Variants in PCDHGB1 observed in about 807,000 individuals in gnomAD.
The protein encoded by PCDHGB1 is protocadherin gamma-B1.
Under a neutral mutation model 56.6 loss-of-function variants are expected in PCDHGB1, and 34 were observed. The observed-to-expected ratio is 0.60, with a 90% CI of 0.46 to 0.80. PCDHGB1 has a LOEUF of 0.80. PCDHGB1 is among the 30% of genes least tolerant of loss of function. PCDHGB1 has a pLI of 0.00. For synonymous variants in PCDHGB1, 561 were observed against 505.9 expected, an observed-to-expected ratio of 1.11 and a Z score of -1.46; for missense variants, 1,278 against 1,204.6, an observed-to-expected ratio of 1.06 and a Z score of -0.90.
At chr5:141,447,798 A>G (rs2098551922) in intron 1 of PCDHGB1, among the ~76,000 whole-genome samples, 2 of 152,230 alleles carry the variant, frequency 1.3e-5, no homozygotes, top group Admixed American at 1.3e-4. Context: ...TTAAGAAAAT[A>G]AAATTGGCTG....
chr5:141,356,897 C>T (rs1760380155), intron 1 of PCDHGB1: 1 of 1,614,116 alleles, frequency 6.2e-7, no homozygotes, highest in Non-Finnish European at 8.5e-7. Context: ...CTGTACCCCA[C>T]CTTCCCTACT....
chr5:141,360,208 T>C (rs780604415), intron 1 of PCDHGB1: 9 of 1,613,072 alleles, frequency 5.6e-6, no homozygotes, highest in Non-Finnish European at 7.6e-6. Flanking sequence ...GTTGTCTTTG[T>C]TCCCCGGGGC....
intron 1 of PCDHGB1, 79 bp from the exon 2 acceptor site, chr5:141,494,728 C>T (rs2099756337): frequency 1.2e-6 from 2 of 1,609,984 alleles, no homozygotes; most frequent in Admixed American, 3.3e-5. Context: ...TCCTTCTCTC[C>T]CGGCCCATCC....
At chr5:141,481,533 T>TG (rs1246139713) in intron 1 of PCDHGB1, among the ~76,000 whole-genome samples, 2 of 152,200 alleles carry the variant, frequency 1.3e-5, no homozygotes, top group Admixed American at 6.5e-5. Context: ...AATCTAGAGA[T>TG]GGGGCTGGGC....
chr5:141,362,023 C>G (rs773499284), intron 1 of PCDHGB1: 2 of 1,607,808 alleles, frequency 1.2e-6, no homozygotes. Context: ...GCGCACAGCG[C>G]GTGCCTTGGG....
chr5:141,495,005 C>T (rs555909709), intron 2 of PCDHGB1, 140 bp downstream of exon 2: 1,141 of 1,522,692 alleles, frequency 7.5e-4, no homozygotes, highest in Non-Finnish European at 8.4e-4. Context: ...TCTTGGTGTG[C>T]GGGGGGCTGG....
At chr5:141,389,863 T>C in intron 1 of PCDHGB1, 1 of 1,614,064 alleles carries the variant, frequency 6.2e-7, no homozygotes, top group South Asian at 1.1e-5. Flanking sequence ...ACGTTGCACC[T>C]GGTCTTCGCC....
chr5:141,420,905 T>TA (rs545324172), intron 1 of PCDHGB1: 3 of 299,970 alleles, frequency 1.0e-5, no homozygotes, highest in Non-Finnish European at 1.9e-5. Flanking sequence ...GCTCTACAAA[T>TA]ACGTGTGATT....
Position 141,443,253 on chromosome 5 carries a change from G to A in PCDHGB1, c.2410-51554G>A, listed in dbSNP as rs192939862. 1.8e-4 allele frequency among the ~76,000 whole-genome samples: 28 copies of A among 152,214 alleles called. No individual in the cohort carries two copies. The Middle Eastern group carries it at 0.014, about 74-fold the overall frequency. On this transcript the variant is annotated intron_variant, in intron 1 of 3. Transcript: ENST00000523390. Reference sequence around the variant, plus strand: ...CTTAGCACTTTGGGGCGCCAAGGCGGGTGGATCACTTGAGCCCAGGAGTTT... The same window carrying A: ...CTTAGCACTTTGGGGCGCCAAGGCGAGTGGATCACTTGAGCCCAGGAGTTT...
At chr5:141,433,691 G>A (rs2097644575) in intron 1 of PCDHGB1, among the ~76,000 whole-genome samples, 1 of 152,044 alleles carries the variant, frequency 6.6e-6, no homozygotes, top group Non-Finnish European at 1.5e-5. Flanking sequence ...TACAAAATTA[G>A]CCGGGCGTGG....
chr5:141,437,638 A>G (rs192433359), intron 1 of PCDHGB1, among the ~76,000 whole-genome samples: 1 of 152,250 alleles, frequency 6.6e-6, no homozygotes, highest in Admixed American at 6.5e-5. Context: ...TGTCAGGTTC[A>G]GAAAAGCAAA....
chr5:141,393,789 G>T (rs889575374), intron 1 of PCDHGB1: 1 of 1,613,958 alleles, frequency 6.2e-7, no homozygotes, highest in African/African-American at 1.3e-5. Context: ...AGATGTGGGG[G>T]CACTTCTGGG....
At chr5:141,370,508 C>T in intron 1 of PCDHGB1, 1 of 1,613,908 alleles carries the variant, frequency 6.2e-7, no homozygotes, top group Non-Finnish European at 8.5e-7. Flanking sequence ...ACGCTATTCC[C>T]GAGGAGCTGG....
At chr5:141,356,178 T>C (rs1378242002) in intron 1 of PCDHGB1, 2 of 1,612,174 alleles carry the variant, frequency 1.2e-6, no homozygotes, top group Non-Finnish European at 8.5e-7. Flanking sequence ...ATGGGCCTGG[T>C]CTCCGAGCTA....
Position 141,491,248 on chromosome 5 carries a change from G to T in PCDHGB1, c.2410-3559G>T, listed in dbSNP as rs757712577. On this transcript the variant is annotated intron_variant, in intron 1 of 3. Transcript: ENST00000523390. The surrounding 1 kb of genome is among the most constrained non-coding windows in gnomAD (Gnocchi z 6.9). ...AGTGCTGCTGGTTCTGGAGGATGAG[G>T]ACCCTGAGGAAATGCCCAAATCCAG... 3 of 1,614,170 alleles carry T rather than the reference G, an allele frequency of 1.9e-6. No individual in the cohort carries two copies. Among genetic ancestry groups the T allele is most frequent in the Non-Finnish European group, 2.5e-6 (3 of 1,180,018 alleles).
At position 141,393,264 on chromosome 5, in the gene PCDHGB1, C is replaced by G. The variant is rs537186931; in HGVS notation, c.2409+40595C>G. The G allele has an allele frequency of 1.1e-4, 170 of 1,613,916 alleles. 3 individuals carry two copies. The South Asian group carries it at 1.8e-3, about 17-fold the overall frequency. On this transcript the variant is annotated intron_variant, in intron 1 of 3. Coordinates refer to ENST00000523390, the MANE Select transcript of PCDHGB1 (RefSeq NM_018922.3). ...TAACGAAATCGCGGTTCCTGGAGCA[C>G]GTTATCCACTCCCAGAAGCTGTTGA...
Position 141,351,079 on chromosome 5 carries a change from G to A in PCDHGB1, c.819G>A (p.Glu273=), listed in dbSNP as rs372442454. The A allele has an allele frequency of 1.4e-5, 22 of 1,613,910 alleles. No individual in the cohort carries two copies. The Middle Eastern group carries it at 8.2e-4, about 60-fold the overall frequency. Residue 273 remains glutamate (E), a synonymous_variant, in exon 1 of 4, where the codon GAG becomes GAA. Coordinates refer to ENST00000523390, the MANE Select transcript of PCDHGB1 (RefSeq NM_018922.3). ...ACCAGGATGAGGGCATTAATGCAGA[G>A]ATCACCTATGCCTTCCTCAATTCCC... ...ATDQDEGINA[E]ITYAFLNSPI...
intron 1 of PCDHGB1, chr5:141,423,846 C>G: frequency 1.6e-6 from 2 of 1,278,968 alleles, no homozygotes; most frequent in Non-Finnish European, 2.0e-6. Flanking sequence ...GATAATCTTT[C>G]AGAACGTTTT....
In PCDHGB1 at chr5:141,431,465, AACG is replaced by A; in HGVS notation, c.2410-63339_2410-63337del. 1.9e-6 allele frequency: 3 copies of A among 1,613,790 alleles called. No homozygotes were observed. The highest frequency in any genetic ancestry group is 2.5e-6 in the Non-Finnish European group (3 of 1,179,970). ...CATCCGCGTGATGGTTCTGGATGCGAACGACAACGCACCAGCGTTTGCTCAGCC... is the reference window on the plus strand; with the variant it reads ...CATCCGCGTGATGGTTCTGGATGCGAACAACGCACCAGCGTTTGCTCAGCC... On this transcript the variant is annotated intron_variant, in intron 1 of 3. Transcript: ENST00000523390. The surrounding 1 kb of genome is among the most constrained non-coding windows in gnomAD (Gnocchi z 4.8).
Sources: allele counts gnomAD v4.1 joint callset (sites outside exome capture counted in the v4.1 genomes callset), GRCh38; gene constraint gnomAD v4.1.1; non-coding constraint Gnocchi (gnomAD v3.1); transcripts MANE v1.5; gene names NCBI Gene and HGNC (gene_info 2026-07-23, HGNC 2026-07-21).